IGF2BP3: variants seen among roughly 807,000 people sequenced by gnomAD.
The protein encoded by IGF2BP3 is insulin-like growth factor 2 mRNA-binding protein 3.
IGF2BP3 carries 9 observed loss-of-function variants against 73.8 expected under a neutral mutation model. The ratio of observed to expected loss-of-function variants is 0.12; its 90% CI spans 0.07 to 0.21. The LOEUF (loss-of-function observed/expected upper bound fraction) is 0.21, where lower values mean the gene tolerates loss of function less well. Ranked by LOEUF, IGF2BP3 falls within the 10% of genes least tolerant of loss-of-function variation. The probability of loss-of-function intolerance (pLI) is 1.00; values close to 1 mark genes in which losing one functional copy is unlikely to be tolerated. For missense variants in IGF2BP3, 542 were observed against 714.0 expected (o/e 0.76, Z 2.75); for synonymous variants, 258 against 256.7 (o/e 1.01, Z -0.05).
rs185897860 is a variant in IGF2BP3, at chr7:23,458,128, T to C, written c.236+10354A>G. 3.2e-4 allele frequency among the ~76,000 whole-genome samples: 48 copies of C among 152,268 alleles called. 2 individuals carry two copies. The highest frequency in any genetic ancestry group is 1.2e-3 in the African/African-American group (48 of 41,542). Reference sequence around the variant, plus strand: ...ACGTTGTATTCATCCTTTACACACATTGTCCAACAGGATCCTATGAAGCAT... The same window carrying C: ...ACGTTGTATTCATCCTTTACACACACTGTCCAACAGGATCCTATGAAGCAT... On this transcript the variant is annotated intron_variant, in intron 2 of 14. Coordinates refer to ENST00000258729, the MANE Select transcript of IGF2BP3 (RefSeq NM_006547.3).
chr7:23,318,056 C>G (rs149763019), intron 11 of IGF2BP3, among the ~76,000 whole-genome samples: 4 of 152,170 alleles, frequency 2.6e-5, no homozygotes, highest in Non-Finnish European at 5.9e-5. Context: ...ACACAGCTAA[C>G]AGAGCTAGAG....
chr7:23,331,879 A>G (rs1313756739), intron 10 of IGF2BP3, among the ~76,000 whole-genome samples: 1 of 151,938 alleles, frequency 6.6e-6, no homozygotes, highest in Non-Finnish European at 1.5e-5. Context: ...AAAAAGAAAA[A>G]AAAAAGGAGT....
At chr7:23,390,616 G>A (rs189721446) in intron 3 of IGF2BP3, among the ~76,000 whole-genome samples, 35 of 152,248 alleles carry the variant, frequency 2.3e-4, no homozygotes, top group African/African-American at 7.7e-4. Flanking sequence ...TCACATGCCA[G>A]CTAGAATTAA....
At chr7:23,317,609 T>G in intron 12 of IGF2BP3, 30 bp downstream of exon 12, 1 of 1,569,372 alleles carries the variant, frequency 6.4e-7, no homozygotes, top group Admixed American at 1.7e-5. Flanking sequence ...TTGTTACCTG[T>G]GGACATAGCA....
At chr7:23,455,089 AT>A (rs1406589644) in intron 2 of IGF2BP3, among the ~76,000 whole-genome samples, 1 of 152,176 alleles carries the variant, frequency 6.6e-6, no homozygotes, top group Non-Finnish European at 1.5e-5. Flanking sequence ...TCTGGTGAGC[AT>A]TTTCCAAAAT....
In IGF2BP3 at chr7:23,346,014, T is replaced by C. The variant is rs762956442; in HGVS notation, c.867A>G (p.Gly289=). Residue 289 remains glycine, a synonymous_variant, in exon 8 of 15, where the codon GGA becomes GGG. Transcript: ENST00000258729. The part of the protein sequence containing the change: ...LKILAHNNFV[G]RLIGKEGRNL... Reference sequence around the variant, plus strand: ...TTCTTCCTTCTTTACCAATAAGACGTCCAACAAAGTTATTATGAGCTAAAA... The same window carrying C: ...TTCTTCCTTCTTTACCAATAAGACGCCCAACAAAGTTATTATGAGCTAAAA... 9.3e-6 allele frequency: 15 copies of C among 1,613,616 alleles called. No homozygotes were observed. The highest frequency in any genetic ancestry group is 1.0e-5 in the Non-Finnish European group (12 of 1,179,956).
intron 2 of IGF2BP3, among the ~76,000 whole-genome samples, chr7:23,467,552 T>TA (rs1788595574): frequency 1.3e-5 from 2 of 152,190 alleles, no homozygotes. Flanking sequence ...CAATTGCAGT[T>TA]AGAGCCGGAA....
rs1023195230 is a variant in IGF2BP3, at chr7:23,363,684, A to C, written c.286-1943T>G. ...TTGCATGAGGTATACACACAGAAGC[A>C]CATTAATCTTTGTCTCTGATTATAG... is the stretch of plus-strand genomic sequence containing the variant. On this transcript the variant is annotated intron_variant, in intron 3 of 14. Transcript: ENST00000258729. 7.2e-5 allele frequency among the ~76,000 whole-genome samples: 11 copies of C among 152,392 alleles called. No homozygotes were observed. The East Asian group carries it at 1.2e-3, about 16-fold the overall frequency.
At chr7:23,427,083 T>A (rs1213396347) in intron 2 of IGF2BP3, among the ~76,000 whole-genome samples, 1 of 152,212 alleles carries the variant, frequency 6.6e-6, no homozygotes, top group Non-Finnish European at 1.5e-5. Flanking sequence ...ATTTCAGTTG[T>A]CTCGCTTCTT....
chr7:23,371,929 A>T (rs538621202), intron 3 of IGF2BP3, among the ~76,000 whole-genome samples: 27 of 152,220 alleles, frequency 1.8e-4, no homozygotes, highest in Non-Finnish European at 3.5e-4. Context: ...CTGAAGTCAC[A>T]GTGGAAAAAC....
chr7:23,377,724 T>C (rs959531421), intron 3 of IGF2BP3, among the ~76,000 whole-genome samples: 2 of 152,170 alleles, frequency 1.3e-5, no homozygotes, highest in Non-Finnish European at 2.9e-5. Context: ...AGCTGCTGGA[T>C]GGATAAACAG....
At chr7:23,414,295 T>C (rs531188639) in intron 3 of IGF2BP3, 1 of 152,360 alleles carries the variant, frequency 6.6e-6, no homozygotes, top group South Asian at 2.1e-4. Context: ...GCATGTAAGA[T>C]ATGCGGTCCA....
chr7:23,412,723 C>A (rs79429530), intron 3 of IGF2BP3, among the ~76,000 whole-genome samples: 3 of 151,980 alleles, frequency 2.0e-5, no homozygotes, highest in African/African-American at 7.2e-5. Context: ...AGGGAAGGTA[C>A]CCCCAGCTTT....
At position 23,445,745 on chromosome 7, in the gene IGF2BP3, A is replaced by T. The variant is rs1000010726; in HGVS notation, c.236+22737T>A. Among the ~76,000 whole-genome samples the T allele has an allele frequency of 2.0e-5, 3 of 152,304 alleles. No homozygotes were observed. The East Asian group carries it at 5.8e-4, about 29-fold the overall frequency. On this transcript the variant is annotated intron_variant, in intron 2 of 14. Coordinates refer to ENST00000258729, the MANE Select transcript of IGF2BP3 (RefSeq NM_006547.3). ...ATGAGCTAAAGTTAGACTGGTATGG[A>T]AAAAATAACCTGCAGGTGATTAACA...
intron 2 of IGF2BP3, among the ~76,000 whole-genome samples, chr7:23,443,417 G>T (rs983635756): frequency 2.0e-5 from 3 of 152,076 alleles, no homozygotes; most frequent in Admixed American, 2.0e-4. Context: ...GAGCCACCGC[G>T]ACTGGCCTAT....
intron 3 of IGF2BP3, among the ~76,000 whole-genome samples, chr7:23,363,340 G>A (rs1287501447): frequency 1.3e-5 from 2 of 151,840 alleles, no homozygotes; most frequent in Non-Finnish European, 2.9e-5. Context: ...TCAACCACTG[G>A]GCTCAAGCAA....
chr7:23,334,873 T>C (rs1230497540), intron 10 of IGF2BP3, among the ~76,000 whole-genome samples: 2 of 151,946 alleles, frequency 1.3e-5, no homozygotes, highest in African/African-American at 4.8e-5. Flanking sequence ...ATCTAAGACA[T>C]CACAAAGGCA....
intron 3 of IGF2BP3, among the ~76,000 whole-genome samples, chr7:23,386,730 G>T (rs953879577): frequency 5.9e-5 from 9 of 152,064 alleles, no homozygotes; most frequent in African/African-American, 2.2e-4. Flanking sequence ...AGGGAGGGGT[G>T]GTGGTGCAAA....
rs1266674396 is a variant in IGF2BP3 at position 23,370,682 on chromosome 7, TG to T, written c.286-8942del. ...CTAGTTCTAGGTTTTTTGGTTTTTT[TG>T]TTTTTTTTTTTTAAGACAGAGTCTT... is the stretch of plus-strand genomic sequence containing the variant. On this transcript the variant is annotated intron_variant, in intron 3 of 14. Transcript: ENST00000258729. Among the ~76,000 whole-genome samples the T allele has an allele frequency of 1.6e-4, 24 of 148,992 alleles. 1 individual carries two copies. Among genetic ancestry groups the T allele is most frequent in the African/African-American group, 5.2e-4 (20 of 38,832 alleles).
Sources: allele counts gnomAD v4.1 joint callset (sites outside exome capture counted in the v4.1 genomes callset), GRCh38; gene constraint gnomAD v4.1.1; transcripts MANE v1.5; gene names NCBI Gene and HGNC (gene_info 2026-07-23, HGNC 2026-07-21).